Variants in COL14A1 observed in about 807,000 individuals in gnomAD.
The protein encoded by COL14A1 is collagen alpha-1(XIV) chain.
In COL14A1, 136 loss-of-function variants were observed where a neutral mutation model predicts 230.3. That is an observed-to-expected ratio of 0.59 (90% CI 0.51 to 0.68). The LOEUF is 0.68. Among genes scored for constraint, COL14A1 ranks in the 30% least tolerant of loss-of-function variants. COL14A1 has a pLI of 0.00. For missense variants in COL14A1, 1,976 were observed against 2,215.8 expected, an observed-to-expected ratio of 0.89 and a Z score of 2.17; for synonymous variants, 792 against 784.1, an observed-to-expected ratio of 1.01 and a Z score of -0.17.
At chr8:120,274,540 A>G (rs1358850033) in intron 26 of COL14A1, among the ~76,000 whole-genome samples, 1 of 151,754 alleles carries the variant, frequency 6.6e-6, no homozygotes, top group East Asian at 1.9e-4. Flanking sequence ...TTAAACTATT[A>G]CTGTGTGCCA....
intron 1 of COL14A1, among the ~76,000 whole-genome samples, chr8:120,130,298 C>G (rs1024835499): frequency 6.6e-6 from 1 of 152,178 alleles, no homozygotes; most frequent in African/African-American, 2.4e-5. Flanking sequence ...GTTCATAGAC[C>G]AGCTACTTTG....
chr8:120,359,885 C>T (rs771455331), intron 45 of COL14A1, among the ~76,000 whole-genome samples: 4 of 152,030 alleles, frequency 2.6e-5, no homozygotes, highest in Admixed American at 6.6e-5. Context: ...TCTCTCTCTC[C>T]GCCCTTCTCT....
intron 42 of COL14A1, among the ~76,000 whole-genome samples, chr8:120,335,496 G>A (rs1421455440): frequency 6.6e-6 from 1 of 152,040 alleles, no homozygotes; most frequent in Non-Finnish European, 1.5e-5. Flanking sequence ...ACTTTTTTGG[G>A]CCCACTGGCT....
At chr8:120,309,351 A>G (rs1179619619) in intron 36 of COL14A1, among the ~76,000 whole-genome samples, 1 of 152,220 alleles carries the variant, frequency 6.6e-6, no homozygotes, top group African/African-American at 2.4e-5. Flanking sequence ...CTTTTAAAAT[A>G]AGTGAAATAG....
chr8:120,258,177 C>G (rs1250067712), intron 23 of COL14A1, among the ~76,000 whole-genome samples: 5 of 152,182 alleles, frequency 3.3e-5, no homozygotes, highest in Admixed American at 3.3e-4. Context: ...TCAGGCACAT[C>G]TGGACCTAGG....
chr8:120,214,621 T>C (rs887522559), intron 13 of COL14A1, among the ~76,000 whole-genome samples: 2 of 152,190 alleles, frequency 1.3e-5, no homozygotes, highest in African/African-American at 4.8e-5. Flanking sequence ...TGTGATTTAT[T>C]CAGGTCAAAT....
chr8:120,296,019 T>G (rs1294974014), intron 34 of COL14A1, among the ~76,000 whole-genome samples: 1 of 151,996 alleles, frequency 6.6e-6, no homozygotes, highest in Non-Finnish European at 1.5e-5. Flanking sequence ...TTAATTTTAT[T>G]AGGTGGTGCA....
At chr8:120,217,223 A>C (rs2130780053) in intron 14 of COL14A1, among the ~76,000 whole-genome samples, 1 of 152,316 alleles carries the variant, frequency 6.6e-6, no homozygotes, top group Admixed American at 6.5e-5. Flanking sequence ...CTGGCATCTG[A>C]AAGGCTCTAG....
intron 5 of COL14A1, among the ~76,000 whole-genome samples, chr8:120,194,396 GC>G (rs764909823): frequency 3.3e-5 from 5 of 151,826 alleles, no homozygotes; most frequent in African/African-American, 4.8e-5. Flanking sequence ...AAGCACCCAA[GC>G]CCCCCCTTAC....
chr8:120,234,737 G>T (rs549702998), intron 19 of COL14A1, among the ~76,000 whole-genome samples: 1 of 152,106 alleles, frequency 6.6e-6, no homozygotes, highest in Non-Finnish European at 1.5e-5. Flanking sequence ...GAGGATTTTC[G>T]CATCAATGTT....
In COL14A1 at chr8:120,227,110, G is replaced by A. The variant is rs1818120919; in HGVS notation, c.2005-110G>A. Reference sequence around the variant, plus strand: ...CTTGACCTTAAAATGGACTTCGACAGCCTTGGAGTTCTTTATGATTGGTTG... The same window carrying A: ...CTTGACCTTAAAATGGACTTCGACAACCTTGGAGTTCTTTATGATTGGTTG... On this transcript the variant is annotated intron_variant, in intron 16 of 47. Coordinates refer to ENST00000297848, the MANE Select transcript of COL14A1 (RefSeq NM_021110.4). The A allele has an allele frequency of 4.8e-6, 6 of 1,252,124 alleles. No homozygotes were observed. The Admixed American group carries it at 1.3e-4, about 26-fold the overall frequency. The allele number at this position is 1,252,124 out of a possible 1,614,324, so 77.6% of individuals were successfully genotyped here.
chr8:120,128,991 G>T (rs945847932), intron 1 of COL14A1, among the ~76,000 whole-genome samples: 5 of 152,132 alleles, frequency 3.3e-5, no homozygotes, highest in South Asian at 2.1e-4. Context: ...GTGGCCTTTT[G>T]TCTCTGGCTT....
At chr8:120,196,655 G>A (rs1385796883) in intron 5 of COL14A1, 136 bp from the exon 6 acceptor site, 1 of 815,602 alleles carries the variant, frequency 1.2e-6, no homozygotes, top group Middle Eastern at 2.7e-4. Flanking sequence ...TAAGGGAAGA[G>A]TTGTAAAAAG....
At chr8:120,297,281 G>T (rs1027232548) in intron 34 of COL14A1, among the ~76,000 whole-genome samples, 4 of 151,876 alleles carry the variant, frequency 2.6e-5, no homozygotes, top group African/African-American at 9.7e-5. Flanking sequence ...GGGAAGTTTT[G>T]ATAAATAAGA....
intron 16 of COL14A1, among the ~76,000 whole-genome samples, chr8:120,227,001 G>T (rs548732198): frequency 1.3e-5 from 2 of 152,154 alleles, no homozygotes; most frequent in East Asian, 1.9e-4. Context: ...TTTAATAAAT[G>T]ACATTTAATA....
At position 120,217,086 on chromosome 8, in the gene COL14A1, T is replaced by C. The variant is rs138910093; in HGVS notation, c.1737+596T>C. On this transcript the variant is annotated intron_variant, in intron 14 of 47. Coordinates refer to ENST00000297848, the MANE Select transcript of COL14A1 (RefSeq NM_021110.4). The stretch of plus-strand genomic sequence containing the variant: ...GAGCATATAGAGAAGAAGATATTCA[T>C]TGATGTGGCCATCTCTGGAAAATGC... Among the ~76,000 whole-genome samples, 30 of 152,296 alleles carry C rather than the reference T, an allele frequency of 2.0e-4. No homozygotes were observed. The East Asian group carries it at 5.4e-3, about 27-fold the overall frequency.
rs550879378 is a variant in COL14A1 at position 120,235,633 on chromosome 8, C to CTTAG, written c.2349+4019_2349+4022dup. On this transcript the variant is annotated intron_variant, in intron 19 of 47. Transcript: ENST00000297848. ...CTATCTCCTTCAGTTCTGCTCTGAT[C>CTTAG]TTAGTTATTTCTTGTCTTCTGCTAG... Among the ~76,000 whole-genome samples the CTTAG allele has an allele frequency of 1.0e-3, 157 of 152,100 alleles. 1 individual carries two copies. The highest frequency in any genetic ancestry group is 1.9e-4 in the East Asian group (1 of 5,162).
At chr8:120,338,374 C>T (rs986987211) in intron 42 of COL14A1, among the ~76,000 whole-genome samples, 2 of 152,116 alleles carry the variant, frequency 1.3e-5, no homozygotes, top group Admixed American at 6.5e-5. Context: ...AGAGTGTACT[C>T]GGGATGTGCA....
chr8:120,301,477 A>T (rs1345571523), intron 36 of COL14A1, among the ~76,000 whole-genome samples: 1 of 152,076 alleles, frequency 6.6e-6, no homozygotes, highest in Non-Finnish European at 1.5e-5. Flanking sequence ...TTTCTGTGTT[A>T]GTTTCCTAAG....
Sources: gnomAD v4.1 joint callset for allele counts (sites outside exome capture counted in the v4.1 genomes callset) on GRCh38, gnomAD v4.1.1 for gene constraint, MANE v1.5 for transcripts, NCBI Gene and HGNC (gene_info 2026-07-23, HGNC 2026-07-21) for gene names.